Variants in RUNX2 observed in about 807,000 individuals in gnomAD.
RUNX2 encodes RUNX family transcription factor 2.
A neutral mutation model predicts 51.7 loss-of-function variants in RUNX2; 10 were observed. The ratio of observed to expected loss-of-function variants is 0.19; its 90% CI spans 0.12 to 0.33. The LOEUF is 0.33. RUNX2 is among the 10% of genes least tolerant of loss of function. The pLI is 1.00. For missense variants in RUNX2, 562 were observed against 691.3 expected (o/e 0.81, Z 2.10); for synonymous variants, 276 against 273.6 (o/e 1.01, Z -0.09).
At chr6:45,420,785 C>G (rs918151344) in intron 2 of RUNX2, among the ~76,000 whole-genome samples, 1 of 152,186 alleles carries the variant, frequency 6.6e-6, no homozygotes, top group African/African-American at 2.4e-5. Flanking sequence ...CTTCTGCGGG[C>G]GCAGCACATT....
intron 6 of RUNX2, among the ~76,000 whole-genome samples, chr6:45,497,542 G>A (rs992700613): frequency 1.3e-5 from 2 of 152,004 alleles, no homozygotes; most frequent in African/African-American, 2.4e-5. Context: ...TCCTTGTCTT[G>A]TTTTTCCAAA....
intron 6 of RUNX2, among the ~76,000 whole-genome samples, chr6:45,508,289 C>A (rs573126679): frequency 7.9e-6 from 1 of 126,896 alleles, no homozygotes; most frequent in East Asian, 2.6e-4. Context: ...AGTGCAATGG[C>A]GTGATCTCGG....
At chr6:45,467,800 C>T (rs1022577161) in intron 5 of RUNX2, among the ~76,000 whole-genome samples, 4 of 152,234 alleles carry the variant, frequency 2.6e-5, no homozygotes, top group Non-Finnish European at 4.4e-5. Context: ...AATGTCCCAT[C>T]TCCCTTATGC....
intron 2 of RUNX2, among the ~76,000 whole-genome samples, chr6:45,397,136 C>A (rs552787448): frequency 9.3e-5 from 14 of 151,138 alleles, no homozygotes; most frequent in African/African-American, 3.4e-4. Flanking sequence ...CTGAGTCTCG[C>A]TCTGTCGCCC....
At chr6:45,538,636 G>A (rs1802112618) in intron 7 of RUNX2, among the ~76,000 whole-genome samples, 1 of 151,926 alleles carries the variant, frequency 6.6e-6, no homozygotes, top group African/African-American at 2.4e-5. Context: ...GGTCTGAAAG[G>A]GTGGATTTGT....
intron 6 of RUNX2, among the ~76,000 whole-genome samples, chr6:45,506,181 T>C (rs971556681): frequency 2.0e-5 from 3 of 152,180 alleles, no homozygotes; most frequent in Non-Finnish European, 1.5e-5. Context: ...CCTTTCTTCC[T>C]GGGTTCATCC....
At chr6:45,487,656 G>A (rs1172699694) in intron 5 of RUNX2, among the ~76,000 whole-genome samples, 1 of 152,054 alleles carries the variant, frequency 6.6e-6, no homozygotes, top group Non-Finnish European at 1.5e-5. Flanking sequence ...ATAATATGAT[G>A]TCCTGGACCA....
intron 6 of RUNX2, among the ~76,000 whole-genome samples, chr6:45,503,145 A>G (rs1008659038): frequency 6.6e-6 from 1 of 152,106 alleles, no homozygotes; most frequent in Non-Finnish European, 1.5e-5. Context: ...TTCCCATTTT[A>G]TGGTACCATG....
chr6:45,369,781 C>T (rs573560276), intron 2 of RUNX2, among the ~76,000 whole-genome samples: 1 of 152,176 alleles, frequency 6.6e-6, no homozygotes, highest in African/African-American at 2.4e-5. Context: ...AAGAGACAAG[C>T]ACATAAACAA....
intron 2 of RUNX2, among the ~76,000 whole-genome samples, chr6:45,339,220 T>C (rs1172167665): frequency 1.3e-5 from 2 of 152,142 alleles, no homozygotes; most frequent in Non-Finnish European, 2.9e-5. Flanking sequence ...TATACAAGAC[T>C]TCTTATGTTA....
intron 5 of RUNX2, among the ~76,000 whole-genome samples, chr6:45,463,523 C>T (rs9472492): frequency 0.015 from 2,206 of 152,038 alleles, 28 homozygotes; most frequent in Middle Eastern, 0.024. Context: ...TGGTTTTTTT[C>T]CTTTTGTCTT....
chr6:45,471,793 C>T (rs1028424259), intron 5 of RUNX2, among the ~76,000 whole-genome samples: 6 of 152,150 alleles, frequency 3.9e-5, no homozygotes, highest in African/African-American at 1.4e-4. Flanking sequence ...CCTATTATTC[C>T]ATCAAAATCG....
intron 2 of RUNX2, among the ~76,000 whole-genome samples, chr6:45,381,162 A>G (rs1797233245): frequency 6.6e-6 from 1 of 152,194 alleles, no homozygotes; most frequent in Middle Eastern, 3.2e-3. Context: ...TGCATTCTCA[A>G]AAGTATCTTG....
At chr6:45,518,486 G>T (rs985872125) in intron 7 of RUNX2, among the ~76,000 whole-genome samples, 3 of 152,112 alleles carry the variant, frequency 2.0e-5, no homozygotes, top group Admixed American at 2.0e-4. Context: ...GAGGCCCAAA[G>T]AAGTGGTTTT....
intron 2 of RUNX2, among the ~76,000 whole-genome samples, chr6:45,413,462 A>T (rs1179991322): frequency 2.7e-5 from 3 of 109,254 alleles, no homozygotes; most frequent in Non-Finnish European, 5.2e-5. Context: ...TTTTTGAGAC[A>T]GCCTGTTGCC....
At chr6:45,500,268 ATATAT>A (rs1323734075) in intron 6 of RUNX2, among the ~76,000 whole-genome samples, 3 of 152,182 alleles carry the variant, frequency 2.0e-5, no homozygotes, top group Non-Finnish European at 4.4e-5. Context: ...AGCAACAATA[ATATAT>A]TATAGATATG....
chr6:45,339,902 T>C (rs1789408656), intron 2 of RUNX2, among the ~76,000 whole-genome samples: 1 of 152,192 alleles, frequency 6.6e-6, no homozygotes, highest in Non-Finnish European at 1.5e-5. Flanking sequence ...GGTACTATGC[T>C]AAGCCATTTA....
At chr6:45,409,706 C>T (rs1797909932) in intron 2 of RUNX2, among the ~76,000 whole-genome samples, 2 of 152,016 alleles carry the variant, frequency 1.3e-5, no homozygotes, top group African/African-American at 4.8e-5. Flanking sequence ...TGAAAATTTC[C>T]TATTTTAAAA....
intron 7 of RUNX2, among the ~76,000 whole-genome samples, chr6:45,523,154 A>G (rs947947044): frequency 6.6e-6 from 1 of 152,234 alleles, no homozygotes; most frequent in African/African-American, 2.4e-5. Context: ...GATCACTGAC[A>G]TCCCTATGTC....
Sources: gnomAD v4.1 joint callset for allele counts (sites outside exome capture counted in the v4.1 genomes callset) on GRCh38, gnomAD v4.1.1 for gene constraint, MANE v1.5 for transcripts, NCBI Gene and HGNC (gene_info 2026-07-23, HGNC 2026-07-21) for gene names.